NFIA: variants seen among roughly 807,000 people sequenced by gnomAD.
The protein encoded by NFIA is nuclear factor 1 A-type.
A neutral mutation model predicts 62.8 loss-of-function variants in NFIA; 8 were observed. The observed-to-expected ratio is 0.13, with a 90% confidence interval of 0.07 to 0.23. NFIA has a LOEUF of 0.23. Among genes scored for constraint, NFIA ranks in the 10% least tolerant of loss-of-function variants. NFIA has a pLI of 1.00. For synonymous variants in NFIA, 235 were observed against 238.1 expected (o/e 0.99, Z 0.12); for missense variants, 410 against 642.1 (o/e 0.64, Z 3.91).
intron 7 of NFIA, among the ~76,000 whole-genome samples, chr1:61,395,106 C>CAGAGAG (rs139029053): frequency 1.3e-4 from 19 of 149,890 alleles, no homozygotes; most frequent in African/African-American, 4.6e-4. Flanking sequence ...AACCCTGTCT[C>CAGAGAG]AGAGAGAGAG....
chr1:61,377,767 A>G (rs1664221840), intron 6 of NFIA, among the ~76,000 whole-genome samples: 1 of 152,218 alleles, frequency 6.6e-6, no homozygotes, highest in Non-Finnish European at 1.5e-5. Flanking sequence ...GCGACAGACA[A>G]GATAAGGTCC....
At chr1:61,279,662 C>T (rs952469957) in intron 3 of NFIA, among the ~76,000 whole-genome samples, 2 of 152,184 alleles carry the variant, frequency 1.3e-5, no homozygotes, top group South Asian at 4.2e-4. Context: ...GTGTAGTTCG[C>T]GTATTTAGGT....
intron 1 of NFIA, 142 bp downstream of exon 1, chr1:61,082,960 C>A (rs1434015660): frequency 2.1e-5 from 5 of 241,546 alleles, no homozygotes; most frequent in Non-Finnish European, 3.1e-5. Context: ...GCGCGTGTTT[C>A]TGTGTGTGTG....
intron 2 of NFIA, among the ~76,000 whole-genome samples, chr1:61,257,465 G>T (rs938777510): frequency 6.0e-5 from 9 of 149,880 alleles, no homozygotes; most frequent in Non-Finnish European, 1.3e-4. Context: ...AGGCTCCCGA[G>T]TAGCTGGGAT....
intron 9 of NFIA, among the ~76,000 whole-genome samples, 164 bp downstream of exon 9, chr1:61,406,891 CTT>C (rs1259529395): frequency 6.6e-6 from 1 of 152,172 alleles, no homozygotes; most frequent in East Asian, 1.9e-4. Flanking sequence ...GAACATGACT[CTT>C]GGGTACTCCA....
chr1:61,109,684 T>C (rs1225845058), intron 2 of NFIA, among the ~76,000 whole-genome samples: 1 of 151,968 alleles, frequency 6.6e-6, no homozygotes, highest in Non-Finnish European at 1.5e-5. Flanking sequence ...AATAACATTC[T>C]TAATATATTG....
At chr1:61,218,726 C>T (rs1394192638) in intron 2 of NFIA, among the ~76,000 whole-genome samples, 5 of 152,084 alleles carry the variant, frequency 3.3e-5, no homozygotes, top group Admixed American at 1.3e-4. Context: ...TTTCAGTGGG[C>T]GTATAGTATT....
At chr1:61,109,347 A>G (rs1021767659) in intron 2 of NFIA, among the ~76,000 whole-genome samples, 5 of 151,856 alleles carry the variant, frequency 3.3e-5, no homozygotes, top group East Asian at 1.9e-4. Flanking sequence ...GTAGGTCCCA[A>G]CTGTCATTGT....
chr1:61,188,835 A>G (rs1180251119), intron 2 of NFIA, among the ~76,000 whole-genome samples: 1 of 152,216 alleles, frequency 6.6e-6, no homozygotes, highest in Non-Finnish European at 1.5e-5. Flanking sequence ...TTAAAGTCAT[A>G]CTAATTGGTG....
At chr1:61,371,824 G>A (rs1325670598) in intron 6 of NFIA, among the ~76,000 whole-genome samples, 3 of 152,172 alleles carry the variant, frequency 2.0e-5, no homozygotes, top group African/African-American at 4.8e-5. Context: ...TTTGGTTTGG[G>A]TGTAGCCAGC....
chr1:61,248,102 A>G (rs897674038), intron 2 of NFIA, among the ~76,000 whole-genome samples: 3 of 152,144 alleles, frequency 2.0e-5, no homozygotes, highest in Admixed American at 1.3e-4. Context: ...AAGCCCTTCT[A>G]TGTCAGCTAC....
intron 2 of NFIA, among the ~76,000 whole-genome samples, chr1:61,163,268 G>T (rs1649339021): frequency 6.6e-6 from 1 of 152,078 alleles, no homozygotes; most frequent in Non-Finnish European, 1.5e-5. Flanking sequence ...AAATAATTTT[G>T]GTCTTTTCTT....
chr1:61,455,715 G>T lies in NFIA; in HGVS notation c.*395G>T. ...GCCTGGCTGTTTCACAGTATTTCAT[G>T]AATTTACCCACACAGGTGTGATCCT... On this transcript the variant is annotated 3_prime_UTR_variant, in exon 11 of 11. Transcript: ENST00000403491. 1 of 266,020 alleles carries T rather than the reference G, an allele frequency of 3.8e-6. No homozygotes were observed. 16.5% of individuals were successfully genotyped at this position (266,020 alleles called of 1,614,324 possible).
upstream of NFIA, among the ~76,000 whole-genome samples, chr1:61,078,430 G>C (rs946607604): frequency 6.6e-6 from 1 of 152,322 alleles, no homozygotes; most frequent in African/African-American, 2.4e-5. Context: ...GGAATGTGAA[G>C]TTCAACTTTA....
In NFIA at chr1:61,438,750, G is replaced by GA. The variant is rs914929495; in HGVS notation, c.1512+12203dup. On this transcript the variant is annotated intron_variant, in intron 10 of 10. Transcript: ENST00000403491. ...TTTTATACTGGATAAGAGAGGGAAG[G>GA]AAAAAAAAATCCCAGTGCAAAAACA... Among the ~76,000 whole-genome samples, 17 of 150,426 alleles carry GA rather than the reference G, an allele frequency of 1.1e-4. No homozygotes were observed. The South Asian group carries it at 2.8e-3, about 24-fold the overall frequency.
In NFIA at chr1:61,320,760, A is replaced by G. The variant is rs144567121; in HGVS notation, c.626-11752A>G. Among the ~76,000 whole-genome samples the G allele has an allele frequency of 1.1e-3, 162 of 152,272 alleles. 2 individuals are homozygous for G. In the East Asian group the frequency reaches 0.028, roughly 26 times the overall value. The stretch of plus-strand genomic sequence containing the variant: ...CTCACAGCCCTGTGTATAAAACCTA[A>G]AAAGGAAGAAAAGGGAGATGGGCCA... On this transcript the variant is annotated intron_variant, in intron 3 of 10. Coordinates refer to ENST00000403491, the MANE Select transcript of NFIA (RefSeq NM_001134673.4).
chr1:61,091,306 A>G (rs1331420993), intron 2 of NFIA, among the ~76,000 whole-genome samples: 1 of 151,960 alleles, frequency 6.6e-6, no homozygotes, highest in Non-Finnish European at 1.5e-5. Context: ...ATCTCAGAAC[A>G]TACGTGAGAA....
upstream of NFIA, chr1:61,082,475 C>G (rs758788965): frequency 6.5e-4 from 700 of 1,081,300 alleles, no homozygotes; most frequent in Non-Finnish European, 7.5e-4. Context: ...CCGGCCGGGC[C>G]GGCGCGGGAG....
At chr1:61,237,886 A>T (rs1655099081) in intron 2 of NFIA, among the ~76,000 whole-genome samples, 1 of 152,182 alleles carries the variant, frequency 6.6e-6, no homozygotes, top group Non-Finnish European at 1.5e-5. Flanking sequence ...TAGTTCTGTG[A>T]GTCAGAATGG....
Sources: gnomAD v4.1 joint callset for allele counts (sites outside exome capture counted in the v4.1 genomes callset) on GRCh38, gnomAD v4.1.1 for gene constraint, MANE v1.5 for transcripts, NCBI Gene and HGNC (gene_info 2026-07-23, HGNC 2026-07-21) for gene names.